The following GRM8 variants were observed in gnomAD, a reference collection of about 807,000 sequenced individuals.
The protein encoded by GRM8 is glutamate metabotropic receptor 8.
GRM8 carries 47 observed loss-of-function variants against 87.2 expected under a neutral mutation model. That is an observed-to-expected ratio of 0.54 (90% CI 0.43 to 0.69). The LOEUF (loss-of-function observed/expected upper bound fraction) is 0.69. Ranked by LOEUF, GRM8 falls within the 30% of genes least tolerant of loss-of-function variation. The probability of loss-of-function intolerance (pLI) is 0.00; values close to 1 mark genes in which losing one functional copy is unlikely to be tolerated. For missense variants in GRM8, 1,019 were observed against 1,139.2 expected, an observed-to-expected ratio of 0.89 and a Z score of 1.52; for synonymous variants, 396 against 404.5, an observed-to-expected ratio of 0.98 and a Z score of 0.25.
intron 7 of GRM8, among the ~76,000 whole-genome samples, chr7:126,615,812 C>A (rs938964578): frequency 6.6e-6 from 1 of 152,300 alleles, no homozygotes; most frequent in African/African-American, 2.4e-5. Flanking sequence ...ATCAATTCAA[C>A]AAGAAGAGCT....
chr7:127,248,736 T>G (rs1336067067), intron 1 of GRM8, among the ~76,000 whole-genome samples: 1 of 152,254 alleles, frequency 6.6e-6, no homozygotes, highest in Non-Finnish European at 1.5e-5. Flanking sequence ...TAAAATATGT[T>G]ACTGGTGTAT....
chr7:127,045,807 T>C (rs920840878), intron 3 of GRM8, among the ~76,000 whole-genome samples: 4 of 152,204 alleles, frequency 2.6e-5, no homozygotes, highest in African/African-American at 4.8e-5. Flanking sequence ...TACAAATCAA[T>C]ATATAGGCAA....
intron 3 of GRM8, among the ~76,000 whole-genome samples, chr7:127,064,388 T>C (rs1820905682): frequency 1.3e-5 from 2 of 152,214 alleles, no homozygotes; most frequent in African/African-American, 4.8e-5. Context: ...TCTTTGCCTT[T>C]TTTTATTCTT....
intron 7 of GRM8, among the ~76,000 whole-genome samples, chr7:126,751,052 T>A (rs752498526): frequency 2.6e-5 from 4 of 152,222 alleles, no homozygotes; most frequent in Non-Finnish European, 4.4e-5. Flanking sequence ...TATATTATTT[T>A]GAGGATTAAA....
At chr7:126,856,863 C>T (rs140613369) in intron 6 of GRM8, among the ~76,000 whole-genome samples, 35 of 152,252 alleles carry the variant, frequency 2.3e-4, no homozygotes, top group African/African-American at 7.9e-4. Flanking sequence ...TTCCTTCTGC[C>T]CTGTAGGTGG....
chr7:126,611,941 A>G (rs1798955002), intron 7 of GRM8, among the ~76,000 whole-genome samples: 1 of 152,184 alleles, frequency 6.6e-6, no homozygotes, highest in Admixed American at 6.5e-5. Context: ...TAAATTTGAC[A>G]TTGTATTAAG....
At chr7:126,749,246 C>T (rs1187914735) in intron 7 of GRM8, among the ~76,000 whole-genome samples, 3 of 151,940 alleles carry the variant, frequency 2.0e-5, no homozygotes, top group Non-Finnish European at 4.4e-5. Flanking sequence ...CACTGCACTC[C>T]AGCCTAGGTG....
intron 2 of GRM8, among the ~76,000 whole-genome samples, chr7:127,152,059 CA>C (rs1229574042): frequency 6.6e-6 from 1 of 152,050 alleles, no homozygotes; most frequent in Non-Finnish European, 1.5e-5. Flanking sequence ...ATCTGTCCTT[CA>C]CTTCCTGCCA....
intron 7 of GRM8, among the ~76,000 whole-genome samples, chr7:126,667,117 C>A (rs966724862): frequency 6.6e-6 from 1 of 152,090 alleles, no homozygotes; most frequent in Non-Finnish European, 1.5e-5. Flanking sequence ...CAGACACTGT[C>A]CTAGGAACTT....
intron 6 of GRM8, among the ~76,000 whole-genome samples, chr7:126,857,995 AG>A: frequency 6.6e-6 from 1 of 152,158 alleles, no homozygotes; most frequent in Non-Finnish European, 1.5e-5. Context: ...AGAGGAAGGG[AG>A]GGAGAGGAAG....
intron 6 of GRM8, among the ~76,000 whole-genome samples, chr7:126,807,391 C>T (rs949130642): frequency 5.9e-5 from 9 of 152,142 alleles, no homozygotes; most frequent in African/African-American, 2.2e-4. Context: ...GCGTTTTTCT[C>T]TTGTGCAGAG....
intron 7 of GRM8, among the ~76,000 whole-genome samples, chr7:126,712,200 T>C (rs1385913678): frequency 2.0e-5 from 3 of 152,228 alleles, no homozygotes; most frequent in Middle Eastern, 3.4e-3. Flanking sequence ...ATTTCAATAT[T>C]GTGATGGCTT....
intron 6 of GRM8, among the ~76,000 whole-genome samples, chr7:126,845,263 G>C (rs1397451018): frequency 6.6e-6 from 1 of 152,134 alleles, no homozygotes. Context: ...TGACATATTT[G>C]TGCTCATGGA....
At chr7:126,999,254 A>G (rs1160529816) in intron 3 of GRM8, among the ~76,000 whole-genome samples, 1 of 151,822 alleles carries the variant, frequency 6.6e-6, no homozygotes, top group Non-Finnish European at 1.5e-5. Flanking sequence ...AGGGATTAAA[A>G]ACTTAAATCT....
intron 3 of GRM8, among the ~76,000 whole-genome samples, chr7:126,964,541 A>G (rs1279408512): frequency 6.6e-6 from 1 of 152,256 alleles, no homozygotes; most frequent in Non-Finnish European, 1.5e-5. Flanking sequence ...TTATGCAGCC[A>G]ACAAACATAT....
rs577744200 is a variant in GRM8, at chr7:126,720,317, A to T, written c.1357+49548T>A. On this transcript the variant is annotated intron_variant, in intron 7 of 10. Transcript: ENST00000339582. ...CCACCAAACCTGGATAATTTTTTAAATTTTTTTTTGTAGAGACAGGGTCTA... is the reference window on the plus strand; with the variant it reads ...CCACCAAACCTGGATAATTTTTTAATTTTTTTTTTGTAGAGACAGGGTCTA... 1.4e-3 allele frequency among the ~76,000 whole-genome samples: 211 copies of T among 151,086 alleles called. 1 individual carries two copies. The highest frequency in any genetic ancestry group is 4.8e-3 in the African/African-American group (197 of 41,242).
chr7:126,748,882 A>C (rs1431805167), intron 7 of GRM8, among the ~76,000 whole-genome samples: 1 of 152,116 alleles, frequency 6.6e-6, no homozygotes, highest in Non-Finnish European at 1.5e-5. Flanking sequence ...ATATAATACA[A>C]TGGGAGACAG....
intron 3 of GRM8, among the ~76,000 whole-genome samples, chr7:126,985,401 T>C (rs1381428089): frequency 6.6e-6 from 1 of 152,230 alleles, no homozygotes; most frequent in Non-Finnish European, 1.5e-5. Flanking sequence ...CTCATTAATT[T>C]ATTATGATCT....
chr7:126,999,900 A>G (rs1424470540), intron 3 of GRM8, among the ~76,000 whole-genome samples: 1 of 151,926 alleles, frequency 6.6e-6, no homozygotes, highest in Non-Finnish European at 1.5e-5. Context: ...TACCCAAAAG[A>G]AAAGAAATCA....
Sources: allele counts gnomAD v4.1 joint callset (sites outside exome capture counted in the v4.1 genomes callset), GRCh38; gene constraint gnomAD v4.1.1; transcripts MANE v1.5; gene names NCBI Gene and HGNC (gene_info 2026-07-23, HGNC 2026-07-21).